PCCB: variants seen among roughly 807,000 people sequenced by gnomAD.
PCCB encodes the protein propionyl-CoA carboxylase beta chain, mitochondrial.
A neutral mutation model predicts 60.7 loss-of-function variants in PCCB; 43 were observed. The observed-to-expected ratio is 0.71, with a 90% CI of 0.55 to 0.91. The LOEUF (loss-of-function observed/expected upper bound fraction) is 0.91. Among genes scored for constraint, PCCB ranks in the 40% least tolerant of loss-of-function variants. The probability of loss-of-function intolerance (pLI) is 0.00; values close to 1 mark genes in which losing one functional copy is unlikely to be tolerated. For missense variants in PCCB, 766 were observed against 702.8 expected, an observed-to-expected ratio of 1.09 and a Z score of -1.02; for synonymous variants, 276 against 255.9, an observed-to-expected ratio of 1.08 and a Z score of -0.75.
chr3:136,305,802 G>C (rs75085177), intron 9 of PCCB, among the ~76,000 whole-genome samples: 2,343 of 120,002 alleles, frequency 0.02, 254 homozygotes, highest in African/African-American at 0.056. Context: ...AGTCAAAGCA[G>C]TGACTTTAGA....
At chr3:136,271,279 T>C (rs1942192021) in intron 5 of PCCB, among the ~76,000 whole-genome samples, 1 of 152,182 alleles carries the variant, frequency 6.6e-6, no homozygotes, top group African/African-American at 2.4e-5. Context: ...AGTCTGGTAA[T>C]GTGATGCCTT....
Position 136,256,618 on chromosome 3 carries a change from A to T in PCCB, c.367A>T (p.Ser123Cys), listed in dbSNP as rs1351436263. ...RINGRLVYVF[S>C]QDFTVFGGSL... ...CAATGGAAGATTGGTTTATGTCTTC[A>T]GTCAGGTATTTCATAACTCCAATAG... is the stretch of plus-strand genomic sequence containing the variant. The change falls in exon 3 of 15, where the codon AGT becomes TGT. Residue 123 changes from serine (S) to cysteine (C), a missense_variant. Coordinates refer to ENST00000251654, the MANE Select transcript of PCCB (RefSeq NM_000532.5). 6.2e-7 allele frequency: 1 copy of T among 1,607,310 alleles called. No homozygotes were observed. Among genetic ancestry groups the T allele is most frequent in the Non-Finnish European group, 8.5e-7 (1 of 1,173,902 alleles).
chr3:136,297,027 G>C (rs1933970906), intron 7 of PCCB, among the ~76,000 whole-genome samples: 1 of 152,174 alleles, frequency 6.6e-6, no homozygotes, highest in Non-Finnish European at 1.5e-5. Context: ...TACGTGCTAT[G>C]GAAAAAGTAT....
chr3:136,326,781 T>C, intron 10 of PCCB, 22 bp from the exon 11 acceptor site: 1 of 1,465,248 alleles, frequency 6.8e-7, no homozygotes, highest in Non-Finnish European at 9.6e-7. Flanking sequence ...ATACTCAGTA[T>C]GGATAATCTC....
intron 10 of PCCB, among the ~76,000 whole-genome samples, chr3:136,323,089 A>G (rs892011756): frequency 3.4e-5 from 5 of 145,930 alleles, no homozygotes; most frequent in Non-Finnish European, 6.0e-5. Context: ...TTCTGAATGT[A>G]TTCTTCTTAG....
chr3:136,252,843 A>G (rs1237399761), intron 1 of PCCB, among the ~76,000 whole-genome samples: 2 of 150,822 alleles, frequency 1.3e-5, no homozygotes, highest in Non-Finnish European at 2.9e-5. Flanking sequence ...ATGTTGCCAA[A>G]TTGGTTTCCT....
intron 3 of PCCB, among the ~76,000 whole-genome samples, chr3:136,258,122 G>A (rs546942608): frequency 5.7e-4 from 86 of 152,134 alleles, no homozygotes; most frequent in Non-Finnish European, 1.0e-3. Flanking sequence ...TGTACAGAAG[G>A]AACCATTGAA....
chr3:136,310,708 G>C (rs1451131735), intron 9 of PCCB, among the ~76,000 whole-genome samples: 2 of 152,170 alleles, frequency 1.3e-5, no homozygotes, highest in Non-Finnish European at 2.9e-5. Flanking sequence ...TAGTACTTAA[G>C]ATTTCAGTTT....
At chr3:136,273,619 T>TA (rs1942262753) in intron 5 of PCCB, among the ~76,000 whole-genome samples, 2 of 132,288 alleles carry the variant, frequency 1.5e-5, no homozygotes, top group Admixed American at 7.6e-5. Context: ...TTTTTTTTTT[T>TA]ACTGTTGTTG....
chr3:136,253,510 G>A (rs1008073893), intron 1 of PCCB, among the ~76,000 whole-genome samples: 6 of 151,414 alleles, frequency 4.0e-5, no homozygotes, highest in African/African-American at 1.2e-4. Context: ...TTAGCCTCTT[G>A]AGTAGCTGGG....
rs1329596102 is a variant in PCCB at position 136,305,193 on chromosome 3, C to A, written c.966+4082C>A. On this transcript the variant is annotated intron_variant, in intron 9 of 14. Transcript: ENST00000251654. The stretch of plus-strand genomic sequence containing the variant: ...CATTGCAACTTCCACCTTCCAGGTT[C>A]AGGAGATGCTTCTGCCTCAGCCTCT... 1.7e-5 allele frequency among the ~76,000 whole-genome samples: 2 copies of A among 119,678 alleles called. 1 individual carries two copies. The highest frequency in any genetic ancestry group is 2.0e-4 in the Admixed American group (2 of 9,866). 78.5% of individuals were successfully genotyped at this position (119,678 alleles called of 152,430 possible).
At chr3:136,305,844 C>T (rs953682086) in intron 9 of PCCB, among the ~76,000 whole-genome samples, 22 of 120,410 alleles carry the variant, frequency 1.8e-4, no homozygotes, top group African/African-American at 5.0e-4. Context: ...CAAATCAATA[C>T]GGTAGTCAGG....
At chr3:136,284,460 A>T (rs1020802219) in intron 6 of PCCB, among the ~76,000 whole-genome samples, 1 of 152,218 alleles carries the variant, frequency 6.6e-6, no homozygotes, top group Non-Finnish European at 1.5e-5. Flanking sequence ...ATATTTTTAA[A>T]TGAAGTCTAT....
chr3:136,288,576 C>T (rs577826525), intron 6 of PCCB, among the ~76,000 whole-genome samples: 57 of 151,738 alleles, frequency 3.8e-4, no homozygotes, highest in African/African-American at 1.4e-3. Context: ...TCTTGAACTC[C>T]TGGGCTCAAG....
intron 5 of PCCB, among the ~76,000 whole-genome samples, chr3:136,278,923 C>G (rs372901889): frequency 6.6e-6 from 1 of 152,098 alleles, no homozygotes; most frequent in Admixed American, 6.6e-5. Context: ...CCTATTTCTC[C>G]CCACAATTCT....
chr3:136,290,502 A>T (rs1361265270), intron 6 of PCCB, among the ~76,000 whole-genome samples: 2 of 151,508 alleles, frequency 1.3e-5, no homozygotes, highest in African/African-American at 2.4e-5. Context: ...TCCTAAGTGT[A>T]GTTTTTTGTT....
intron 6 of PCCB, among the ~76,000 whole-genome samples, chr3:136,287,607 TG>T (rs1190155830): frequency 6.6e-6 from 1 of 152,108 alleles, no homozygotes; most frequent in Non-Finnish European, 1.5e-5. Flanking sequence ...GCTAATTTTT[TG>T]TATTTTTGGT....
chr3:136,289,802 T>G (rs1453197211), intron 6 of PCCB, among the ~76,000 whole-genome samples: 1 of 152,074 alleles, frequency 6.6e-6, no homozygotes, highest in Non-Finnish European at 1.5e-5. Context: ...TTTTTTTACC[T>G]TCTTCAGTGG....
intron 6 of PCCB, among the ~76,000 whole-genome samples, chr3:136,287,107 T>C (rs1933451815): frequency 1.3e-5 from 2 of 152,022 alleles, no homozygotes; most frequent in African/African-American, 2.4e-5. Flanking sequence ...CATGATCCTT[T>C]CTAAGGATCA....
Sources: allele counts gnomAD v4.1 joint callset (sites outside exome capture counted in the v4.1 genomes callset), GRCh38; gene constraint gnomAD v4.1.1; transcripts MANE v1.5; gene names NCBI Gene and HGNC (gene_info 2026-07-23, HGNC 2026-07-21).